Variants in SLC3A1 observed in about 807,000 individuals in gnomAD.
SLC3A1 encodes amino acid transporter heavy chain SLC3A1.
SLC3A1 carries 78 observed loss-of-function variants against 60.3 expected under a neutral mutation model. That is an observed-to-expected ratio of 1.29 (90% confidence interval 1.08 to 1.56). SLC3A1 has a LOEUF of 1.56. SLC3A1 is among the 40% of genes most tolerant of loss of function. The probability of loss-of-function intolerance (pLI) is 0.00; values close to 1 mark genes in which losing one functional copy is unlikely to be tolerated. For missense variants in SLC3A1, 1,172 were observed against 858.9 expected, an observed-to-expected ratio of 1.36 and a Z score of -4.56; for synonymous variants, 392 against 307.9, an observed-to-expected ratio of 1.27 and a Z score of -2.86.
chr2:44,285,647 G>T (rs1558455418), intron 3 of SLC3A1: 1 of 480,216 alleles, frequency 2.1e-6, no homozygotes, highest in Non-Finnish European at 4.3e-6. Context: ...AAGATGAGCG[G>T]AATGTTTCTT....
intron 6 of SLC3A1, among the ~76,000 whole-genome samples, chr2:44,303,024 C>T (rs1460948041): frequency 6.6e-6 from 1 of 151,776 alleles, no homozygotes; most frequent in East Asian, 2.0e-4. Context: ...CATGGTGAAA[C>T]CCTGTGTCTA....
intron 3 of SLC3A1, among the ~76,000 whole-genome samples, chr2:44,282,614 A>G: frequency 6.6e-6 from 1 of 152,082 alleles, no homozygotes; most frequent in East Asian, 1.9e-4. Context: ...AAAATTTTTT[A>G]GTGTGGACCA....
At chr2:44,310,478 C>A (rs1672267355) in intron 7 of SLC3A1, among the ~76,000 whole-genome samples, 1 of 152,174 alleles carries the variant, frequency 6.6e-6, no homozygotes, top group Non-Finnish European at 1.5e-5. Flanking sequence ...CTCTGGCCTT[C>A]ATGGTTTCTG....
chr2:44,282,855 A>G (rs1268363817), intron 3 of SLC3A1, among the ~76,000 whole-genome samples: 2 of 151,508 alleles, frequency 1.3e-5, no homozygotes, highest in Non-Finnish European at 2.9e-5. Context: ...ACAGGGCCTC[A>G]CTCTGTTGTC....
Position 44,321,298 on chromosome 2 carries a change from G to A in SLC3A1, c.*659G>A, listed in dbSNP as rs1007452120. 1.5e-6 allele frequency: 2 copies of A among 1,346,824 alleles called. No individual in the cohort carries two copies. Among genetic ancestry groups the A allele is most frequent in the Non-Finnish European group, 2.1e-6 (2 of 965,720 alleles). 83.4% of individuals were successfully genotyped at this position (1,346,824 alleles called of 1,614,324 possible). A position where few individuals can be genotyped will look rare whatever the true frequency, so the allele number is the denominator to read the frequency against. On this transcript the variant is annotated 3_prime_UTR_variant, in exon 10 of 10. Transcript: ENST00000260649. ...TAATTTTTTTTTTGCTAACTCAATT[G>A]GAAGTAAGACTATGAAATATTTCAG...
chr2:44,286,227 T>C lies in SLC3A1; in HGVS notation c.891+70T>C, dbSNP rs568125690. On this transcript the variant is annotated intron_variant, in intron 4 of 9. Coordinates refer to ENST00000260649, the MANE Select transcript of SLC3A1 (RefSeq NM_000341.4). ...AGGTATTTATTTAAAACACTTTATATTGCACAGTAATTGTGTAGGCAAAAT... is the reference window on the plus strand; with the variant it reads ...AGGTATTTATTTAAAACACTTTATACTGCACAGTAATTGTGTAGGCAAAAT... 4.1e-6 allele frequency: 6 copies of C among 1,461,804 alleles called. No individual in the cohort carries two copies. The South Asian group carries it at 4.6e-5, about 11-fold the overall frequency. 90.6% of individuals were successfully genotyped at this position (1,461,804 alleles called of 1,614,324 possible). A position where few individuals can be genotyped will look rare whatever the true frequency, so the allele number is the denominator to read the frequency against.
At chr2:44,313,210 G>C (rs1672342065) in intron 8 of SLC3A1, among the ~76,000 whole-genome samples, 1 of 151,982 alleles carries the variant, frequency 6.6e-6, no homozygotes, top group Non-Finnish European at 1.5e-5. Context: ...TTTCTTTTCT[G>C]TTATCAGGTG....
intron 9 of SLC3A1, 166 bp from the exon 10 acceptor site, chr2:44,320,033 T>TA (rs1447766552): frequency 3.2e-6 from 2 of 619,900 alleles, no homozygotes; most frequent in African/African-American, 1.8e-5. Flanking sequence ...TATCAGTTTT[T>TA]ATATAAATTG....
chr2:44,297,335 G>A (rs1156475483), intron 4 of SLC3A1, among the ~76,000 whole-genome samples: 2 of 152,140 alleles, frequency 1.3e-5, no homozygotes, highest in Non-Finnish European at 2.9e-5. Flanking sequence ...CTGAGGCTCA[G>A]GACCTCTGCT....
At chr2:44,297,167 T>C (rs780343847) in intron 4 of SLC3A1, among the ~76,000 whole-genome samples, 7 of 152,212 alleles carry the variant, frequency 4.6e-5, no homozygotes, top group Non-Finnish European at 8.8e-5. Context: ...CAGATGGTTC[T>C]GCTCTAAAAT....
intron 4 of SLC3A1, among the ~76,000 whole-genome samples, chr2:44,293,289 C>G (rs187287587): frequency 1.1e-4 from 16 of 152,206 alleles, no homozygotes; most frequent in Admixed American, 3.3e-4. Flanking sequence ...GAGGCTGAGG[C>G]AGGTGGATCA....
At chr2:44,296,730 A>G (rs940431147) in intron 4 of SLC3A1, among the ~76,000 whole-genome samples, 9 of 152,176 alleles carry the variant, frequency 5.9e-5, no homozygotes, top group African/African-American at 2.2e-4. Flanking sequence ...AAACAAGTTG[A>G]TATGGTTTGG....
Position 44,300,024 on chromosome 2 carries a change from T to C in SLC3A1, c.945T>C (p.Ala315=). 6.2e-7 allele frequency: 1 copy of C among 1,613,840 alleles called. No individual in the cohort carries two copies. Among genetic ancestry groups the C allele is most frequent in the Non-Finnish European group, 8.5e-7 (1 of 1,179,716 alleles). The change falls in exon 5 of 10, where the codon GCT becomes GCC. Residue 315 remains alanine (A), a synonymous_variant. Coordinates refer to ENST00000260649, the MANE Select transcript of SLC3A1 (RefSeq NM_000341.4). ...TKGVDGFSLD[A]VKFLLEAKHL... ...GTGTTGATGGTTTTAGTTTGGATGCTGTTAAATTCCTCCTAGAAGCAAAGC... is the reference window on the plus strand; with the variant it reads ...GTGTTGATGGTTTTAGTTTGGATGCCGTTAAATTCCTCCTAGAAGCAAAGC...
In SLC3A1 at chr2:44,304,327, C is replaced by T; in HGVS notation, c.1321C>T (p.Pro441Ser). 1 of 1,613,238 alleles carries T rather than the reference C, an allele frequency of 6.2e-7. No individual in the cohort carries two copies. Among genetic ancestry groups the T allele is most frequent in the East Asian group, 2.2e-5 (1 of 44,876 alleles). The change falls in exon 7 of 10, where the codon CCT becomes TCT. Residue 441 changes from proline (P) to serine (S), a missense_variant. Transcript: ENST00000260649. ...WMENMPEGKW[P>S]NWMIGGPDSS... ...GGAAAACATGCCAGAAGGAAAATGG[C>T]CTAACTGGATGGTAAGTCCTCATGA...
At chr2:44,281,980 T>C (rs1008870048) in intron 3 of SLC3A1, among the ~76,000 whole-genome samples, 1 of 152,204 alleles carries the variant, frequency 6.6e-6, no homozygotes, top group African/African-American at 2.4e-5. Context: ...CAAGCAATTC[T>C]CTTGCCTCAG....
At chr2:44,309,201 A>G (rs1410905010) in intron 7 of SLC3A1, among the ~76,000 whole-genome samples, 3 of 152,150 alleles carry the variant, frequency 2.0e-5, no homozygotes. Flanking sequence ...TGTACCCACT[A>G]AACAATAATT....
chr2:44,313,733 A>C, intron 8 of SLC3A1, 102 bp from the exon 9 acceptor site: 1 of 994,264 alleles, frequency 1.0e-6, no homozygotes, highest in South Asian at 1.3e-5. Flanking sequence ...AACACTAGCT[A>C]AGAACTATGG....
At chr2:44,314,282 A>T in intron 9 of SLC3A1, 1 of 554,632 alleles carries the variant, frequency 1.8e-6, no homozygotes, top group Non-Finnish European at 3.2e-6. Flanking sequence ...CTTCCCCTCA[A>T]AAGGCAGGGA....
At chr2:44,306,501 C>G (rs1382445826) in intron 7 of SLC3A1, among the ~76,000 whole-genome samples, 1 of 147,380 alleles carries the variant, frequency 6.8e-6, no homozygotes, top group Non-Finnish European at 1.5e-5. Flanking sequence ...TAAAACTATA[C>G]AATTTTTAAA....
Sources: allele counts gnomAD v4.1 joint callset (sites outside exome capture counted in the v4.1 genomes callset), GRCh38; gene constraint gnomAD v4.1.1; transcripts MANE v1.5; gene names NCBI Gene and HGNC (gene_info 2026-07-23, HGNC 2026-07-21).